Variants in ZNF420 observed in about 807,000 individuals in gnomAD.
ZNF420 encodes the protein zinc finger protein 420.
Under a neutral mutation model 44.7 loss-of-function variants are expected in ZNF420, and 31 were observed. That is an observed-to-expected ratio of 0.69 (90% CI 0.52 to 0.94). The LOEUF is 0.94. ZNF420 is among the 40% of genes least tolerant of loss of function. ZNF420 has a pLI of 0.00. For missense variants in ZNF420, 681 were observed against 827.9 expected (o/e 0.82, Z 2.18); for synonymous variants, 245 against 267.4 (o/e 0.92, Z 0.82).
At chr19:37,041,310 CAAAAA>C (rs369724759) in intron 1 of ZNF420, among the ~76,000 whole-genome samples, 2 of 132,690 alleles carry the variant, frequency 1.5e-5, no homozygotes, top group East Asian at 2.5e-4. Flanking sequence ...AACACTATCT[CAAAAA>C]AAAAAAAAAA....
At chr19:37,024,835 G>A (rs151064057) in intron 1 of ZNF420, 2,139 of 152,912 alleles carry the variant, frequency 0.014, 25 homozygotes, top group African/African-American at 0.025. Flanking sequence ...TCTGCCTTTG[G>A]CCTTGCAAAG....
intron 4 of ZNF420, among the ~76,000 whole-genome samples, chr19:37,123,990 C>A (rs1247024308): frequency 6.6e-6 from 1 of 152,068 alleles, no homozygotes; most frequent in East Asian, 1.9e-4. Flanking sequence ...TCTGATATAC[C>A]ATTCAGATAC....
intron 1 of ZNF420, among the ~76,000 whole-genome samples, chr19:37,045,820 T>C (rs1967533102): frequency 6.6e-6 from 1 of 152,212 alleles, no homozygotes. Flanking sequence ...ATGGACAGTT[T>C]AATAAATGTT....
At chr19:37,051,948 T>C (rs1286161358) in intron 1 of ZNF420, among the ~76,000 whole-genome samples, 3 of 152,222 alleles carry the variant, frequency 2.0e-5, no homozygotes, top group African/African-American at 4.8e-5. Context: ...TCAAAGAACA[T>C]GTTGACAGTG....
chr19:37,129,214 AC>A lies in ZNF420; in HGVS notation c.*157del. ...ATGGTAGTGTCATTCATATAGAAAA[AC>A]ATCATTACTGGAAACCTATTAAACA... On this transcript the variant is annotated 3_prime_UTR_variant, in exon 5 of 5. Transcript: ENST00000337995. 1 of 909,182 alleles carries A rather than the reference AC, an allele frequency of 1.1e-6. No homozygotes were observed. The highest frequency in any genetic ancestry group is 1.6e-6 in the Non-Finnish European group (1 of 608,302). The allele number at this position is 909,182 out of a possible 1,614,324, so 56.3% of individuals were successfully genotyped here. A position where few individuals can be genotyped will look rare whatever the true frequency, so the allele number is the denominator to read the frequency against.
At chr19:37,013,552 G>A (rs1599592369) in intron 1 of ZNF420, among the ~76,000 whole-genome samples, 1 of 152,286 alleles carries the variant, frequency 6.6e-6, no homozygotes, top group East Asian at 1.9e-4. Context: ...GAGAAGCAGC[G>A]CGGGATCCCA....
intron 1 of ZNF420, among the ~76,000 whole-genome samples, chr19:37,030,717 A>G (rs937320891): frequency 7.9e-5 from 12 of 152,130 alleles, no homozygotes; most frequent in Non-Finnish European, 1.5e-4. Flanking sequence ...AAATACATCT[A>G]TGTGTTACAT....
chr19:37,037,440 G>A (rs1396471991), intron 1 of ZNF420, among the ~76,000 whole-genome samples: 1 of 152,192 alleles, frequency 6.6e-6, no homozygotes, highest in Non-Finnish European at 1.5e-5. Flanking sequence ...CCATGGAAGC[G>A]CAGGCTTCCC....
upstream of ZNF420, among the ~76,000 whole-genome samples, chr19:37,075,538 C>T (rs1164622091): frequency 1.3e-5 from 2 of 152,014 alleles, no homozygotes; most frequent in African/African-American, 4.8e-5. Flanking sequence ...GTCAGGAGTT[C>T]GAGACCAGCC....
chr19:37,079,481 C>T (rs1050062535), intron 1 of ZNF420, among the ~76,000 whole-genome samples: 2 of 152,142 alleles, frequency 1.3e-5, no homozygotes, highest in Admixed American at 1.3e-4. Flanking sequence ...GCCCTTTCAT[C>T]CATGGCCTGT....
chr19:37,010,525 C>G (rs544464996), intron 1 of ZNF420, among the ~76,000 whole-genome samples: 2 of 152,034 alleles, frequency 1.3e-5, no homozygotes, highest in African/African-American at 2.4e-5. Flanking sequence ...GTCTCCCATT[C>G]TCTCTTCTCT....
intron 1 of ZNF420, among the ~76,000 whole-genome samples, chr19:37,037,532 C>T (rs774931658): frequency 6.6e-6 from 1 of 152,198 alleles, no homozygotes; most frequent in Non-Finnish European, 1.5e-5. Context: ...TTTGGCTGAG[C>T]ACAAACACAC....
intron 4 of ZNF420, among the ~76,000 whole-genome samples, chr19:37,123,799 G>A (rs1971196877): frequency 6.7e-6 from 1 of 149,914 alleles, no homozygotes; most frequent in Non-Finnish European, 1.5e-5. Context: ...AGTAGAGAGG[G>A]GGTTTCACGA....
Position 37,087,296 on chromosome 19 carries a change from AATAAAT to A in ZNF420, c.-80-1741_-80-1736del, listed in dbSNP as rs1568446910. Among the ~76,000 whole-genome samples, 449 of 123,190 alleles carry A rather than the reference AATAAAT, an allele frequency of 3.6e-3. 5 individuals are homozygous for A. Among genetic ancestry groups the A allele is most frequent in the East Asian group, 9.9e-3 (43 of 4,338 alleles). 80.8% of individuals were successfully genotyped at this position (123,190 alleles called of 152,430 possible). A position where few individuals can be genotyped will look rare whatever the true frequency, so the allele number is the denominator to read the frequency against. Reference sequence around the variant, plus strand: ...AGACCCTGTCTCAAAAAAAAAAATAAATAAATAAATAAATAAATAAATAAATAAATA... The same window carrying A: ...AGACCCTGTCTCAAAAAAAAAAATAAAAATAAATAAATAAATAAATAAATA... On this transcript the variant is annotated intron_variant, in intron 2 of 4. Transcript: ENST00000337995.
At chr19:37,115,910 G>T (rs1338316545) in intron 4 of ZNF420, among the ~76,000 whole-genome samples, 1 of 152,124 alleles carries the variant, frequency 6.6e-6, no homozygotes, top group African/African-American at 2.4e-5. Flanking sequence ...TTAGAGAATG[G>T]TGATGACTTT....
At chr19:37,055,773 G>T (rs995473683) in intron 1 of ZNF420, among the ~76,000 whole-genome samples, 2 of 152,170 alleles carry the variant, frequency 1.3e-5, no homozygotes, top group African/African-American at 4.8e-5. Context: ...ACTGTTTCAG[G>T]ATTCCAGGAG....
At chr19:37,116,974 G>A (rs528240199) in intron 4 of ZNF420, among the ~76,000 whole-genome samples, 9 of 152,324 alleles carry the variant, frequency 5.9e-5, no homozygotes, top group Middle Eastern at 3.4e-3. Context: ...ACTGGGTGGA[G>A]CCCACCACAG....
At chr19:37,087,226 A>G (rs933139111) in intron 2 of ZNF420, among the ~76,000 whole-genome samples, 6 of 151,432 alleles carry the variant, frequency 4.0e-5, no homozygotes, top group East Asian at 3.9e-4. Flanking sequence ...TCAAGGTTAC[A>G]GTAAGCTATG....
chr19:37,106,993 G>GTC (rs1970126654), intron 4 of ZNF420: 1 of 152,154 alleles, frequency 6.6e-6, no homozygotes, highest in Non-Finnish European at 1.5e-5. Context: ...CCACTAGCAT[G>GTC]TCTCTCCTCC....
Sources: gnomAD v4.1 joint callset for allele counts (sites outside exome capture counted in the v4.1 genomes callset) on GRCh38, gnomAD v4.1.1 for gene constraint, MANE v1.5 for transcripts, NCBI Gene and HGNC (gene_info 2026-07-23, HGNC 2026-07-21) for gene names.